PTPRD: variants seen among roughly 807,000 people sequenced by gnomAD.
PTPRD encodes receptor-type tyrosine-protein phosphatase delta.
Under a neutral mutation model 214.5 loss-of-function variants are expected in PTPRD, and 34 were observed. The observed-to-expected ratio is 0.16, with a 90% CI of 0.12 to 0.21. The LOEUF (loss-of-function observed/expected upper bound fraction) is 0.21. Among genes scored for constraint, PTPRD ranks in the 10% least tolerant of loss-of-function variants. The pLI, the probability that PTPRD is intolerant of heterozygous loss-of-function variation, is 1.00. For missense variants in PTPRD, 2,545 were observed against 2,398.7 expected, an observed-to-expected ratio of 1.06 and a Z score of -1.27; for synonymous variants, 1,128 against 845.7, an observed-to-expected ratio of 1.33 and a Z score of -5.79.
At chr9:8,789,300 G>A (rs1356449345) in intron 11 of PTPRD, among the ~76,000 whole-genome samples, 1 of 152,174 alleles carries the variant, frequency 6.6e-6, no homozygotes, top group Non-Finnish European at 1.5e-5. Context: ...TGGCACAGAG[G>A]TGGTTGTCTG....
chr9:9,276,555 G>A (rs1171732735), intron 9 of PTPRD, among the ~76,000 whole-genome samples: 1 of 151,282 alleles, frequency 6.6e-6, no homozygotes, highest in Non-Finnish European at 1.5e-5. Context: ...ATCGTCCTCA[G>A]TCACTGGCAT....
chr9:10,567,068 G>A (rs1363677786), intron 2 of PTPRD, among the ~76,000 whole-genome samples: 2 of 152,120 alleles, frequency 1.3e-5, no homozygotes, highest in South Asian at 2.1e-4. Context: ...TGCTTACATA[G>A]TATGTTTGCT....
intron 3 of PTPRD, among the ~76,000 whole-genome samples, chr9:10,211,200 C>G (rs573276080): frequency 6.6e-6 from 1 of 151,674 alleles, no homozygotes; most frequent in South Asian, 2.1e-4. Context: ...CATCTGTGGA[C>G]GAAATAGAAG....
intron 2 of PTPRD, among the ~76,000 whole-genome samples, chr9:10,471,204 G>A (rs1364441710): frequency 6.6e-6 from 1 of 151,970 alleles, no homozygotes; most frequent in East Asian, 1.9e-4. Context: ...TAGATGATGG[G>A]TTGATGGGGG....
At chr9:10,285,371 G>A (rs542097377) in intron 3 of PTPRD, among the ~76,000 whole-genome samples, 3 of 151,988 alleles carry the variant, frequency 2.0e-5, no homozygotes, top group Non-Finnish European at 4.4e-5. Context: ...TTTTGTCGGG[G>A]TTCAGAACAT....
At chr9:10,306,624 T>C (rs1053407668) in intron 3 of PTPRD, among the ~76,000 whole-genome samples, 8 of 152,114 alleles carry the variant, frequency 5.3e-5, no homozygotes, top group Admixed American at 5.2e-4. Flanking sequence ...AAGTTAGTAA[T>C]AATTAAAATT....
chr9:8,485,710 C>T (rs2135893505), intron 28 of PTPRD, 52 bp downstream of exon 28: 1 of 1,462,558 alleles, frequency 6.8e-7, no homozygotes, highest in Non-Finnish European at 9.3e-7. Flanking sequence ...TACTGATTTC[C>T]AAAGACTGAC....
chr9:8,940,688 T>C (rs1023267210), intron 11 of PTPRD, among the ~76,000 whole-genome samples: 13 of 152,146 alleles, frequency 8.5e-5, no homozygotes, highest in African/African-American at 2.4e-4. Flanking sequence ...AATGTAATGG[T>C]TGACCTGCTG....
chr9:8,377,097 A>C (rs1209121214), intron 37 of PTPRD, among the ~76,000 whole-genome samples: 2 of 152,146 alleles, frequency 1.3e-5, no homozygotes, highest in African/African-American at 4.8e-5. Context: ...TTTGTCATTT[A>C]AACTACATGG....
intron 2 of PTPRD, among the ~76,000 whole-genome samples, chr9:10,462,113 G>A (rs549164029): frequency 7.2e-5 from 11 of 152,088 alleles, no homozygotes; most frequent in African/African-American, 9.6e-5. Context: ...GATAGTTAGC[G>A]TATTATATAC....
At chr9:8,420,139 T>C (rs2094252494) in intron 35 of PTPRD, among the ~76,000 whole-genome samples, 1 of 152,146 alleles carries the variant, frequency 6.6e-6, no homozygotes, top group Non-Finnish European at 1.5e-5. Context: ...ATTCTAGTTA[T>C]TGTGGCTTTG....
intron 3 of PTPRD, among the ~76,000 whole-genome samples, chr9:10,209,671 G>A (rs1295187639): frequency 6.6e-6 from 1 of 151,420 alleles, no homozygotes; most frequent in Non-Finnish European, 1.5e-5. Context: ...GGTACACAGG[G>A]CCTTTGATCT....
intron 35 of PTPRD, among the ~76,000 whole-genome samples, chr9:8,405,248 G>C (rs551518819): frequency 6.6e-6 from 1 of 152,106 alleles, no homozygotes; most frequent in East Asian, 1.9e-4. Context: ...AGTAAAGAAG[G>C]GAGGTCAGTT....
intron 10 of PTPRD, among the ~76,000 whole-genome samples, chr9:9,166,324 T>G (rs1417133245): frequency 6.6e-6 from 1 of 152,098 alleles, no homozygotes; most frequent in African/African-American, 2.4e-5. Flanking sequence ...CAAAACTGAC[T>G]CTCTTGTGTT....
intron 4 of PTPRD, among the ~76,000 whole-genome samples, chr9:9,965,248 G>C (rs569122843): frequency 3.3e-5 from 5 of 152,246 alleles, no homozygotes; most frequent in Admixed American, 6.5e-5. Context: ...TGGGGTGGTT[G>C]TTAATTTTAC....
intron 12 of PTPRD, among the ~76,000 whole-genome samples, chr9:8,705,428 A>G (rs1486741249): frequency 6.6e-6 from 1 of 152,180 alleles, no homozygotes; most frequent in Non-Finnish European, 1.5e-5. Context: ...GTATTCTATA[A>G]TTTTAACAAA....
chr9:8,316,094 T>C lies in PTPRD; in HGVS notation c.*1780A>G, dbSNP rs1482510688. 4.4e-6 allele frequency: 1 copy of C among 229,696 alleles called. No homozygotes were observed. The highest frequency in any genetic ancestry group is 8.6e-6 in the Non-Finnish European group (1 of 115,642). The allele number at this position is 229,696 out of a possible 1,614,324, so 14.2% of individuals were successfully genotyped here. ...TGGAAGGGAATATAAATAAAACAAG[T>C]AGCTTTTTCTGATGTTGATGATTGA... On this transcript the variant is annotated 3_prime_UTR_variant, in exon 46 of 46. Transcript: ENST00000381196.
intron 3 of PTPRD, among the ~76,000 whole-genome samples, chr9:10,121,235 T>G (rs370737481): frequency 6.6e-6 from 1 of 152,194 alleles, no homozygotes; most frequent in Non-Finnish European, 1.5e-5. Context: ...TGTTTTAAAT[T>G]GTCTTTCTTT....
At chr9:8,536,351 GTAA>G (rs2076926048) in intron 14 of PTPRD, among the ~76,000 whole-genome samples, 2 of 151,720 alleles carry the variant, frequency 1.3e-5, no homozygotes, top group African/African-American at 2.4e-5. Flanking sequence ...TCCATGAGAT[GTAA>G]TAATACTTTA....
Sources: gnomAD v4.1 joint callset for allele counts (sites outside exome capture counted in the v4.1 genomes callset) on GRCh38, gnomAD v4.1.1 for gene constraint, MANE v1.5 for transcripts, NCBI Gene and HGNC (gene_info 2026-07-23, HGNC 2026-07-21) for gene names.